SLC9A9: variants seen among roughly 807,000 people sequenced by gnomAD.
SLC9A9 encodes the protein solute carrier family 9 member A9.
A neutral mutation model predicts 77.8 loss-of-function variants in SLC9A9; 62 were observed. That is an observed-to-expected ratio of 0.80 (90% CI 0.65 to 0.98). The LOEUF (loss-of-function observed/expected upper bound fraction) is 0.98. Ranked by LOEUF, SLC9A9 falls within the 50% of genes least tolerant of loss-of-function variation. The pLI, the probability that SLC9A9 is intolerant of heterozygous loss-of-function variation, is 0.00. For synonymous variants in SLC9A9, 320 were observed against 283.5 expected (o/e 1.13, Z -1.29); for missense variants, 775 against 774.9 (o/e 1.00, Z 0.00).
chr3:143,287,237 C>T (rs1298634256), intron 14 of SLC9A9, among the ~76,000 whole-genome samples: 1 of 152,148 alleles, frequency 6.6e-6, no homozygotes, highest in Non-Finnish European at 1.5e-5. Flanking sequence ...ATAACATTCC[C>T]TATTTTGTAG....
intron 1 of SLC9A9, among the ~76,000 whole-genome samples, chr3:143,837,510 G>A (rs1173865110): frequency 2.0e-5 from 3 of 152,098 alleles, no homozygotes; most frequent in East Asian, 3.8e-4. Flanking sequence ...AAAATAAGAA[G>A]ATATAGCCTC....
At position 143,423,216 on chromosome 3, in the gene SLC9A9, T is replaced by TAC. The variant is rs68149837; in HGVS notation, c.1470-41104_1470-41103dup. On this transcript the variant is annotated intron_variant, in intron 12 of 15. Transcript: ENST00000316549. ...ATCTCTACTTACCCTCACACACACG[T>TAC]ACACACACACACACGTGTACACACG... Among the ~76,000 whole-genome samples, 131 of 144,250 alleles carry TAC rather than the reference T, an allele frequency of 9.1e-4. 1 individual carries two copies. The highest frequency in any genetic ancestry group is 3.7e-3 in the Middle Eastern group (1 of 272). 94.6% of individuals were successfully genotyped at this position (144,250 alleles called of 152,430 possible). A position where few individuals can be genotyped will look rare whatever the true frequency, so the allele number is the denominator to read the frequency against.
intron 4 of SLC9A9, among the ~76,000 whole-genome samples, chr3:143,712,484 G>A (rs974317801): frequency 9.2e-5 from 14 of 152,150 alleles, no homozygotes; most frequent in African/African-American, 2.9e-4. Context: ...GCAATCTACC[G>A]GGGGTAACAG....
intron 11 of SLC9A9, among the ~76,000 whole-genome samples, chr3:143,488,749 T>TA (rs1247291021): frequency 6.6e-6 from 1 of 151,872 alleles, no homozygotes; most frequent in Non-Finnish European, 1.5e-5. Flanking sequence ...TATCTTAACA[T>TA]AATAAAAGCT....
chr3:143,781,478 T>C (rs1294795685), intron 4 of SLC9A9, among the ~76,000 whole-genome samples: 1 of 152,196 alleles, frequency 6.6e-6, no homozygotes, highest in African/African-American at 2.4e-5. Flanking sequence ...ATATTTCTCA[T>C]ACGTTGTAGA....
At chr3:143,697,205 AT>A (rs1343278557) in intron 4 of SLC9A9, among the ~76,000 whole-genome samples, 6 of 152,060 alleles carry the variant, frequency 3.9e-5, no homozygotes, top group African/African-American at 1.2e-4. Flanking sequence ...TATACTGGGC[AT>A]GGAAAAGTAA....
chr3:143,612,536 C>G (rs2038039215), intron 6 of SLC9A9, among the ~76,000 whole-genome samples: 1 of 152,188 alleles, frequency 6.6e-6, no homozygotes, highest in African/African-American at 2.4e-5. Context: ...AACATGGATG[C>G]CTGATCGAAA....
At chr3:143,303,185 A>ATGG (rs2030611869) in intron 14 of SLC9A9, among the ~76,000 whole-genome samples, 1 of 152,244 alleles carries the variant, frequency 6.6e-6, no homozygotes, top group Non-Finnish European at 1.5e-5. Flanking sequence ...CACCTGGATC[A>ATGG]TGGGCAGATG....
At chr3:143,552,049 C>T (rs990009766) in intron 9 of SLC9A9, among the ~76,000 whole-genome samples, 4 of 152,138 alleles carry the variant, frequency 2.6e-5, no homozygotes, top group Admixed American at 2.6e-4. Context: ...ATCTCACATG[C>T]CTTATAATGC....
chr3:143,593,975 A>C (rs1333067716), intron 6 of SLC9A9, among the ~76,000 whole-genome samples: 1 of 152,120 alleles, frequency 6.6e-6, no homozygotes, highest in Non-Finnish European at 1.5e-5. Flanking sequence ...TTGCCTGACA[A>C]TCCTTGGCTA....
chr3:143,723,048 A>G (rs573014370), intron 4 of SLC9A9, among the ~76,000 whole-genome samples: 28 of 152,190 alleles, frequency 1.8e-4, no homozygotes, highest in African/African-American at 6.5e-4. Context: ...TAGTTTGATA[A>G]TTACTCTCCA....
At chr3:143,815,445 C>A (rs1339142444) in intron 2 of SLC9A9, among the ~76,000 whole-genome samples, 1 of 152,132 alleles carries the variant, frequency 6.6e-6, no homozygotes, top group Non-Finnish European at 1.5e-5. Flanking sequence ...GGACTATTGC[C>A]CCCTCCTTCC....
chr3:143,758,146 T>C (rs1373044751), intron 4 of SLC9A9, among the ~76,000 whole-genome samples: 1 of 152,196 alleles, frequency 6.6e-6, no homozygotes, highest in Admixed American at 6.6e-5. Flanking sequence ...CACTCAGTTC[T>C]ACATAATGAG....
intron 14 of SLC9A9, among the ~76,000 whole-genome samples, chr3:143,322,211 G>T (rs990194812): frequency 6.6e-6 from 1 of 152,184 alleles, no homozygotes; most frequent in Non-Finnish European, 1.5e-5. Flanking sequence ...GTCTGTGAGG[G>T]TGTTTCTGGA....
chr3:143,430,896 C>G (rs1341829162), intron 12 of SLC9A9, among the ~76,000 whole-genome samples: 1 of 152,170 alleles, frequency 6.6e-6, no homozygotes, highest in Non-Finnish European at 1.5e-5. Context: ...ATGCTGCTCT[C>G]TTCCTTTTTC....
At chr3:143,606,430 C>CTATATATATATATATATA (rs745429920) in intron 6 of SLC9A9, among the ~76,000 whole-genome samples, 3 of 63,338 alleles carry the variant, frequency 4.7e-5, no homozygotes, top group Non-Finnish European at 9.2e-5. Flanking sequence ...CTCTCTCTCT[C>CTATATATATATATATATA]TCTCTCTATA....
chr3:143,301,867 T>C (rs1262661239), intron 14 of SLC9A9, among the ~76,000 whole-genome samples: 1 of 152,066 alleles, frequency 6.6e-6, no homozygotes. Context: ...AAAATACTAG[T>C]TGTATATGTT....
chr3:143,483,836 T>A lies in SLC9A9; in HGVS notation c.1315+9817A>T, dbSNP rs1261715875. On this transcript the variant is annotated intron_variant, in intron 11 of 15. Transcript: ENST00000316549. Reference sequence around the variant, plus strand: ...AGAAATTTTAGGTTCTTATTTGATCTTTGAACCCCTGAGGTGTGCTGCCTT... The same window carrying A: ...AGAAATTTTAGGTTCTTATTTGATCATTGAACCCCTGAGGTGTGCTGCCTT... Among the ~76,000 whole-genome samples, 3 of 152,296 alleles carry A rather than the reference T, an allele frequency of 2.0e-5. No homozygotes were observed. The East Asian group carries it at 5.8e-4, about 29-fold the overall frequency.
chr3:143,426,658 T>G (rs1291369348), intron 12 of SLC9A9, among the ~76,000 whole-genome samples: 1 of 152,202 alleles, frequency 6.6e-6, no homozygotes, highest in Non-Finnish European at 1.5e-5. Context: ...CAGGGTCAAG[T>G]AGGCATTGTT....
Sources: gnomAD v4.1 joint callset for allele counts (sites outside exome capture counted in the v4.1 genomes callset) on GRCh38, gnomAD v4.1.1 for gene constraint, MANE v1.5 for transcripts, NCBI Gene and HGNC (gene_info 2026-07-23, HGNC 2026-07-21) for gene names.